Variants in PSD3 observed in about 807,000 individuals in gnomAD.
PSD3 encodes PH and SEC7 domain-containing protein 3.
A neutral mutation model predicts 105.5 loss-of-function variants in PSD3; 49 were observed. The ratio of observed to expected loss-of-function variants is 0.46; its 90% CI spans 0.37 to 0.59. The LOEUF (loss-of-function observed/expected upper bound fraction) is 0.59, where lower values mean the gene tolerates loss of function less well. Among genes scored for constraint, PSD3 ranks in the 20% least tolerant of loss-of-function variants. The pLI, the probability that PSD3 is intolerant of heterozygous loss-of-function variation, is 0.00. For synonymous variants in PSD3, 557 were observed against 457.8 expected, an observed-to-expected ratio of 1.22 and a Z score of -2.77; for missense variants, 1,561 against 1,263.8, an observed-to-expected ratio of 1.24 and a Z score of -3.57.
At position 18,838,848 on chromosome 8, in the gene PSD3, A is replaced by AATAATAATG. The variant is rs959335452; in HGVS notation, c.1634+28825_1634+28826insCATTATTAT. Among the ~76,000 whole-genome samples, 231 of 142,122 alleles carry AATAATAATG rather than the reference A, an allele frequency of 1.6e-3. 1 individual carries two copies. Among genetic ancestry groups the AATAATAATG allele is most frequent in the African/African-American group, 5.1e-3 (197 of 38,372 alleles). The allele number at this position is 142,122 out of a possible 152,430, so 93.2% of individuals were successfully genotyped here. ...TAATAATAATAATAATAATAATAAT[A>AATAATAATG]ATGTTCAAGAAAAAAGTAAGACTTC... On this transcript the variant is annotated intron_variant, in intron 4 of 15. Coordinates refer to ENST00000327040, the MANE Select transcript of PSD3 (RefSeq NM_015310.4).
At position 18,715,408 on chromosome 8, in the gene PSD3, T is replaced by C. The variant is rs187415992; in HGVS notation, c.2172+50041A>G. On this transcript the variant is annotated intron_variant, in intron 9 of 15. Transcript: ENST00000327040. Reference sequence around the variant, plus strand: ...AACATATTATTAATGTATCCATGTATGTAATTCAACACTTTCAGGAAAGCC... The same window carrying C: ...AACATATTATTAATGTATCCATGTACGTAATTCAACACTTTCAGGAAAGCC... Among the ~76,000 whole-genome samples the C allele has an allele frequency of 3.4e-3, 525 of 152,342 alleles. 1 individual carries two copies. Among genetic ancestry groups the C allele is most frequent in the African/African-American group, 0.012 (498 of 41,588 alleles).
chr8:18,650,513 C>A (rs1241850010), intron 10 of PSD3, among the ~76,000 whole-genome samples: 1 of 152,186 alleles, frequency 6.6e-6, no homozygotes, highest in African/African-American at 2.4e-5. Flanking sequence ...GTAGCAGAGA[C>A]CTTCCACAAG....
chr8:18,846,325 G>T (rs1442749298), intron 4 of PSD3, among the ~76,000 whole-genome samples: 1 of 152,168 alleles, frequency 6.6e-6, no homozygotes, highest in Non-Finnish European at 1.5e-5. Context: ...CAACCTGAAT[G>T]CCAACATTTA....
At chr8:18,867,094 G>A (rs1011704977) in intron 4 of PSD3, among the ~76,000 whole-genome samples, 1 of 152,124 alleles carries the variant, frequency 6.6e-6, no homozygotes, top group Non-Finnish European at 1.5e-5. Flanking sequence ...AAATCCTAAA[G>A]TAGAGAGAGA....
At chr8:18,854,928 C>T (rs1467939593) in intron 4 of PSD3, among the ~76,000 whole-genome samples, 1 of 152,138 alleles carries the variant, frequency 6.6e-6, no homozygotes, top group African/African-American at 2.4e-5. Flanking sequence ...CGTAAGTGGC[C>T]AGGCAACACA....
intron 1 of PSD3, among the ~76,000 whole-genome samples, chr8:18,947,509 G>A (rs773610333): frequency 1.4e-4 from 21 of 152,178 alleles, no homozygotes; most frequent in Non-Finnish European, 2.8e-4. Flanking sequence ...AGGGGAAGCC[G>A]GGGTTCTGCT....
rs1799612303 is a variant in PSD3, at chr8:18,531,049, T to C, written c.*4694A>G. The C allele has an allele frequency of 1.3e-5, 2 of 152,218 alleles. No individual in the cohort carries two copies. Among genetic ancestry groups the C allele is most frequent in the African/African-American group, 4.8e-5 (2 of 41,434 alleles). 9.4% of individuals were successfully genotyped at this position (152,218 alleles called of 1,614,324 possible). A position where few individuals can be genotyped will look rare whatever the true frequency, so the allele number is the denominator to read the frequency against. On this transcript the variant is annotated 3_prime_UTR_variant, in exon 16 of 16. Coordinates refer to ENST00000327040, the MANE Select transcript of PSD3 (RefSeq NM_015310.4). ...CTACACACTGATGCATTTACATACA[T>C]ACAACTATAAATACCCACAAATACA...
intron 9 of PSD3, among the ~76,000 whole-genome samples, chr8:18,729,066 C>T (rs1183113978): frequency 6.6e-6 from 1 of 152,060 alleles, no homozygotes; most frequent in Non-Finnish European, 1.5e-5. Flanking sequence ...CTTTCCCACC[C>T]AAAGAAAAAG....
chr8:19,040,975 C>A (rs1326940461), intron 1 of PSD3, among the ~76,000 whole-genome samples: 1 of 152,194 alleles, frequency 6.6e-6, no homozygotes. Context: ...ACATTGCAGC[C>A]TTGAACGCCC....
chr8:18,558,867 A>C (rs1801233219), intron 14 of PSD3, among the ~76,000 whole-genome samples: 1 of 152,204 alleles, frequency 6.6e-6, no homozygotes, highest in African/African-American at 2.4e-5. Flanking sequence ...TCTAGGTTTT[A>C]TACTTGATAT....
chr8:18,625,275 A>C (rs1806396667), intron 11 of PSD3, among the ~76,000 whole-genome samples: 1 of 151,946 alleles, frequency 6.6e-6, no homozygotes, highest in Non-Finnish European at 1.5e-5. Flanking sequence ...CTTACTTTCT[A>C]TATCATCCAT....
At chr8:18,786,418 A>G (rs762356714) in intron 8 of PSD3, among the ~76,000 whole-genome samples, 1 of 152,232 alleles carries the variant, frequency 6.6e-6, no homozygotes, top group Non-Finnish European at 1.5e-5. Context: ...CTATGAAGCT[A>G]TTTTGGTCTA....
intron 1 of PSD3, among the ~76,000 whole-genome samples, chr8:18,955,167 T>C (rs1027287344): frequency 6.6e-6 from 1 of 152,118 alleles, no homozygotes. Context: ...CTGAAGAAGA[T>C]TCCCCCGGCA....
intron 9 of PSD3, among the ~76,000 whole-genome samples, chr8:18,713,331 G>C (rs1229581097): frequency 1.3e-5 from 2 of 152,090 alleles, no homozygotes; most frequent in African/African-American, 4.8e-5. Context: ...AATAGGAAGA[G>C]AAGTCAAATT....
intron 9 of PSD3, among the ~76,000 whole-genome samples, chr8:18,672,375 C>A (rs1276004193): frequency 6.6e-6 from 1 of 151,876 alleles, no homozygotes; most frequent in Admixed American, 6.6e-5. Context: ...GGGACTTTGA[C>A]ATTTAGAGAG....
chr8:18,665,750 C>A (rs181483221), intron 9 of PSD3, among the ~76,000 whole-genome samples: 5 of 152,230 alleles, frequency 3.3e-5, no homozygotes, highest in African/African-American at 7.2e-5. Context: ...ATTTGAGAGG[C>A]TGAGGTGAGA....
At chr8:18,613,686 A>G (rs1805444463) in intron 11 of PSD3, among the ~76,000 whole-genome samples, 1 of 152,132 alleles carries the variant, frequency 6.6e-6, no homozygotes, top group Admixed American at 6.5e-5. Context: ...CTCAAATGTT[A>G]TCTGTGAAAC....
At chr8:18,679,725 C>A (rs886833308) in intron 9 of PSD3, among the ~76,000 whole-genome samples, 1 of 152,148 alleles carries the variant, frequency 6.6e-6, no homozygotes, top group Non-Finnish European at 1.5e-5. Flanking sequence ...CGCCAGGATG[C>A]GGCATCCTGA....
intron 1 of PSD3, among the ~76,000 whole-genome samples, chr8:18,982,161 C>A (rs1211618610): frequency 6.6e-6 from 1 of 152,206 alleles, no homozygotes; most frequent in Non-Finnish European, 1.5e-5. Context: ...TAAATCCCAT[C>A]TCAAGAAACC....
Sources: allele counts gnomAD v4.1 joint callset (sites outside exome capture counted in the v4.1 genomes callset), GRCh38; gene constraint gnomAD v4.1.1; transcripts MANE v1.5; gene names NCBI Gene and HGNC (gene_info 2026-07-23, HGNC 2026-07-21).